CNTNAP2: variants seen among roughly 807,000 people sequenced by gnomAD.
CNTNAP2 encodes contactin associated protein 2, also known as contactin-associated protein-like 2.
Under a neutral mutation model 155.2 loss-of-function variants are expected in CNTNAP2, and 98 were observed. The ratio of observed to expected loss-of-function variants is 0.63; its 90% CI spans 0.54 to 0.75. CNTNAP2 has a LOEUF of 0.75. Among genes scored for constraint, CNTNAP2 ranks in the 30% least tolerant of loss-of-function variants. The pLI is 0.00. For missense variants in CNTNAP2, 1,727 were observed against 1,688.1 expected (o/e 1.02, Z -0.40); for synonymous variants, 651 against 631.2 (o/e 1.03, Z -0.47).
At chr7:148,402,898 T>C (rs1202160660) in intron 22 of CNTNAP2, among the ~76,000 whole-genome samples, 1 of 151,692 alleles carries the variant, frequency 6.6e-6, no homozygotes, top group African/African-American at 2.4e-5. Context: ...TTGGGGGGTT[T>C]TATGTTAGAT....
At chr7:147,053,231 A>G (rs574240862) in intron 4 of CNTNAP2, among the ~76,000 whole-genome samples, 60 of 152,216 alleles carry the variant, frequency 3.9e-4, no homozygotes, top group African/African-American at 1.4e-3. Flanking sequence ...AGTGGATCTC[A>G]TTCCTGGGTT....
At chr7:147,315,886 A>T (rs920582358) in intron 9 of CNTNAP2, among the ~76,000 whole-genome samples, 3 of 151,954 alleles carry the variant, frequency 2.0e-5, no homozygotes, top group African/African-American at 7.3e-5. Flanking sequence ...AGTTTATTCA[A>T]TTCATGTAAC....
At position 146,435,906 on chromosome 7, in the gene CNTNAP2, A is replaced by C. The variant is rs147887706; in HGVS notation, c.97+318933A>C. Among the ~76,000 whole-genome samples, 263 of 152,292 alleles carry C rather than the reference A, an allele frequency of 1.7e-3. 1 individual carries two copies. The highest frequency in any genetic ancestry group is 6.0e-3 in the African/African-American group (248 of 41,574). Reference sequence around the variant, plus strand: ...TGCTTTGGTCAAATCCAAGATATACATACAGCTAGTAAATAACATACTTGG... The same window carrying C: ...TGCTTTGGTCAAATCCAAGATATACCTACAGCTAGTAAATAACATACTTGG... On this transcript the variant is annotated intron_variant, in intron 1 of 23. Transcript: ENST00000361727.
chr7:146,754,380 G>A (rs143311363), intron 1 of CNTNAP2, among the ~76,000 whole-genome samples: 8 of 151,212 alleles, frequency 5.3e-5, no homozygotes, highest in African/African-American at 1.7e-4. Context: ...AATCATGTCC[G>A]TTAAGTATAT....
intron 2 of CNTNAP2, among the ~76,000 whole-genome samples, chr7:146,790,633 G>A (rs543786372): frequency 1.3e-5 from 2 of 150,510 alleles, no homozygotes; most frequent in Non-Finnish European, 2.9e-5. Flanking sequence ...GCAGTGGCGC[G>A]ATCTCAGCTC....
intron 8 of CNTNAP2, among the ~76,000 whole-genome samples, chr7:147,236,560 T>G (rs570115710): frequency 6.6e-6 from 1 of 151,454 alleles, no homozygotes; most frequent in East Asian, 1.9e-4. Context: ...ATTCCTTCAA[T>G]TTTTTTTTCT....
At chr7:146,348,981 C>T (rs1023168047) in intron 1 of CNTNAP2, among the ~76,000 whole-genome samples, 4 of 151,916 alleles carry the variant, frequency 2.6e-5, no homozygotes, top group Non-Finnish European at 4.4e-5. Flanking sequence ...TTTTTATTGT[C>T]GTGTTAATAA....
At chr7:147,521,000 A>T (rs1288596025) in intron 11 of CNTNAP2, among the ~76,000 whole-genome samples, 4 of 152,242 alleles carry the variant, frequency 2.6e-5, no homozygotes, top group African/African-American at 9.6e-5. Flanking sequence ...CAGTAAAATT[A>T]ACATTCCTTG....
intron 8 of CNTNAP2, among the ~76,000 whole-genome samples, chr7:147,193,772 C>T (rs1420270208): frequency 1.3e-5 from 2 of 152,030 alleles, no homozygotes; most frequent in Non-Finnish European, 2.9e-5. Flanking sequence ...AATAAATAGG[C>T]AGAGGTAAGA....
intron 12 of CNTNAP2, among the ~76,000 whole-genome samples, chr7:147,581,868 A>G (rs1192049366): frequency 6.6e-6 from 1 of 152,220 alleles, no homozygotes; most frequent in East Asian, 1.9e-4. Context: ...TTTCTAATTG[A>G]TTAAAGAAAA....
At chr7:147,881,950 C>T (rs146222862) in intron 13 of CNTNAP2, among the ~76,000 whole-genome samples, 16 of 151,742 alleles carry the variant, frequency 1.1e-4, no homozygotes, top group Non-Finnish European at 1.9e-4. Context: ...CCAGCCTGGG[C>T]GACAGAATGA....
chr7:146,638,476 C>CCTTTTTTTTTTTTTT, intron 1 of CNTNAP2, among the ~76,000 whole-genome samples: 1 of 64,364 alleles, frequency 1.6e-5, no homozygotes, highest in East Asian at 5.3e-4. Context: ...TCAGGTGTTT[C>CCTTTTTTTTTTTTTT]TTTTTTTTTT....
intron 1 of CNTNAP2, among the ~76,000 whole-genome samples, chr7:146,717,151 A>G (rs1183022071): frequency 6.6e-6 from 1 of 152,110 alleles, no homozygotes; most frequent in African/African-American, 2.4e-5. Context: ...TTATTTAGAA[A>G]TAGTCCACTT....
chr7:146,907,280 G>T (rs1470160462), intron 3 of CNTNAP2, among the ~76,000 whole-genome samples: 2 of 145,218 alleles, frequency 1.4e-5, no homozygotes, highest in Non-Finnish European at 3.0e-5. Flanking sequence ...CCAACGTTCA[G>T]ATTCAGGAAA....
At chr7:146,275,229 A>C (rs1800145564) in intron 1 of CNTNAP2, among the ~76,000 whole-genome samples, 1 of 152,218 alleles carries the variant, frequency 6.6e-6, no homozygotes, top group Admixed American at 6.5e-5. Context: ...ATCATCTCAA[A>C]AATTCATGAC....
chr7:146,707,577 CAG>C (rs1275803054), intron 1 of CNTNAP2, among the ~76,000 whole-genome samples: 2 of 152,066 alleles, frequency 1.3e-5, no homozygotes, highest in Admixed American at 1.3e-4. Flanking sequence ...ACTCCACTGC[CAG>C]AGTCAGGTTG....
At chr7:146,119,848 A>G (rs1037758791) in intron 1 of CNTNAP2, among the ~76,000 whole-genome samples, 130 of 152,162 alleles carry the variant, frequency 8.5e-4, no homozygotes, top group African/African-American at 3.1e-3. Flanking sequence ...ACGATTTTAT[A>G]CGTGTATATA....
At chr7:146,620,127 T>C (rs1399343849) in intron 1 of CNTNAP2, among the ~76,000 whole-genome samples, 1 of 152,194 alleles carries the variant, frequency 6.6e-6, no homozygotes, top group Non-Finnish European at 1.5e-5. Context: ...TCTTAAGTCA[T>C]TGTTGTAACT....
chr7:147,184,321 C>G (rs945031359), intron 8 of CNTNAP2, among the ~76,000 whole-genome samples: 2 of 152,144 alleles, frequency 1.3e-5, no homozygotes, highest in Non-Finnish European at 2.9e-5. Flanking sequence ...AGGTCTTTAC[C>G]ATTTAAGTCG....
Sources: allele counts gnomAD v4.1 joint callset (sites outside exome capture counted in the v4.1 genomes callset), GRCh38; gene constraint gnomAD v4.1.1; transcripts MANE v1.5; gene names NCBI Gene and HGNC (gene_info 2026-07-23, HGNC 2026-07-21).